The following PRKN variants were observed in gnomAD, a reference collection of about 807,000 sequenced individuals.
PRKN encodes the protein parkin RBR E3 ubiquitin protein ligase.
A neutral mutation model predicts 59.5 loss-of-function variants in PRKN; 56 were observed. The ratio of observed to expected loss-of-function variants is 0.94; its 90% CI spans 0.76 to 1.18. PRKN has a LOEUF of 1.18. Ranked by LOEUF, PRKN falls within the 50% of genes most tolerant of loss-of-function variation. The probability of loss-of-function intolerance (pLI) is 0.00; values close to 1 mark genes in which losing one functional copy is unlikely to be tolerated. For synonymous variants in PRKN, 250 were observed against 222.1 expected, an observed-to-expected ratio of 1.13 and a Z score of -1.12; for missense variants, 657 against 596.4, an observed-to-expected ratio of 1.10 and a Z score of -1.06.
intron 1 of PRKN, among the ~76,000 whole-genome samples, chr6:162,706,834 A>T (rs1384226236): frequency 6.6e-6 from 1 of 152,216 alleles, no homozygotes; most frequent in African/African-American, 2.4e-5. Flanking sequence ...ATGACTAAAC[A>T]ATTCTTAAGA....
At chr6:162,577,536 G>T (rs1244223116) in intron 1 of PRKN, among the ~76,000 whole-genome samples, 1 of 151,808 alleles carries the variant, frequency 6.6e-6, no homozygotes, top group Admixed American at 6.6e-5. Flanking sequence ...GGAGGCGGGG[G>T]GTGCAGTAAG....
rs1206025908 is a variant in PRKN, at chr6:161,457,242, T to C, written c.1084-70365A>G. Among the ~76,000 whole-genome samples, 1 of 152,192 alleles carries C rather than the reference T, an allele frequency of 6.6e-6. No individual in the cohort carries two copies. The highest frequency in any genetic ancestry group is 1.9e-4 in the East Asian group (1 of 5,188). ...CATTCCATTACTTTTCCTACACATGTGTCTCTGTTAAGCACTTTGCAAGGA... is the reference window on the plus strand; with the variant it reads ...CATTCCATTACTTTTCCTACACATGCGTCTCTGTTAAGCACTTTGCAAGGA... On this transcript the variant is annotated intron_variant, in intron 9 of 11. Transcript: ENST00000366898. The surrounding 1 kb of genome is among the most constrained non-coding windows in gnomAD (Gnocchi z 5.0).
chr6:161,934,479 C>T (rs1779282828), intron 6 of PRKN, among the ~76,000 whole-genome samples: 1 of 152,132 alleles, frequency 6.6e-6, no homozygotes, highest in Admixed American at 6.6e-5. Flanking sequence ...ACTGATTAGG[C>T]CTTGACCCAC....
chr6:162,321,511 C>T (rs1783022457), intron 2 of PRKN, among the ~76,000 whole-genome samples: 1 of 151,872 alleles, frequency 6.6e-6, no homozygotes, highest in Non-Finnish European at 1.5e-5. Flanking sequence ...CAAGGCAATA[C>T]TTCCAATTTA....
At chr6:162,443,626 T>C (rs944046612) in intron 1 of PRKN, 153 bp from the exon 2 acceptor site, 18 of 743,890 alleles carry the variant, frequency 2.4e-5, no homozygotes, top group Non-Finnish European at 3.5e-5. Flanking sequence ...CTTAATGCTA[T>C]AGAGCAATAT....
At chr6:162,512,469 C>T (rs1028096338) in intron 1 of PRKN, among the ~76,000 whole-genome samples, 1 of 152,176 alleles carries the variant, frequency 6.6e-6, no homozygotes, top group African/African-American at 2.4e-5. Flanking sequence ...GAAATAACAA[C>T]AAGGGAGAAT....
At chr6:162,166,441 C>T (rs1782993432) in intron 4 of PRKN, among the ~76,000 whole-genome samples, 1 of 152,086 alleles carries the variant, frequency 6.6e-6, no homozygotes, top group African/African-American at 2.4e-5. Flanking sequence ...GGTGATAATG[C>T]TCTGCAGCCT....
chr6:161,387,642 A>T (rs1354595087), intron 9 of PRKN, among the ~76,000 whole-genome samples: 2 of 152,262 alleles, frequency 1.3e-5, no homozygotes, highest in African/African-American at 4.8e-5. Flanking sequence ...ATTTGTTTGC[A>T]TTCACAGAAG....
chr6:162,339,152 G>GA (rs1023417131), intron 2 of PRKN, among the ~76,000 whole-genome samples: 1 of 149,034 alleles, frequency 6.7e-6, no homozygotes, highest in Non-Finnish European at 1.5e-5. Context: ...CCCCGTCTGA[G>GA]AAGTGAGGAG....
intron 6 of PRKN, among the ~76,000 whole-genome samples, chr6:161,965,079 A>T (rs866497967): frequency 1.1e-4 from 17 of 152,214 alleles, no homozygotes; most frequent in Middle Eastern, 6.8e-3. Context: ...ACCAAAATCC[A>T]GTCAAATTAT....
chr6:161,863,249 T>A (rs1335540926), intron 6 of PRKN, among the ~76,000 whole-genome samples: 1 of 152,118 alleles, frequency 6.6e-6, no homozygotes, highest in Non-Finnish European at 1.5e-5. Flanking sequence ...AATGCCACTT[T>A]GACACAGACC....
At chr6:161,823,125 TG>T (rs1792103536) in intron 6 of PRKN, among the ~76,000 whole-genome samples, 1 of 149,770 alleles carries the variant, frequency 6.7e-6, no homozygotes, top group Non-Finnish European at 1.5e-5. Context: ...TTTTTAGAGA[TG>T]GGGTCTTTCT....
At chr6:162,295,289 A>C (rs866715344) in intron 2 of PRKN, among the ~76,000 whole-genome samples, 1 of 152,192 alleles carries the variant, frequency 6.6e-6, no homozygotes, top group Non-Finnish European at 1.5e-5. Flanking sequence ...CAAAATAATG[A>C]ATCAGTTCAG....
At chr6:162,591,916 GA>G (rs916740758) in intron 1 of PRKN, among the ~76,000 whole-genome samples, 2 of 149,556 alleles carry the variant, frequency 1.3e-5, no homozygotes, top group Admixed American at 6.7e-5. Context: ...GGCATGTTAG[GA>G]AAAAGAAGAG....
intron 5 of PRKN, among the ~76,000 whole-genome samples, chr6:162,023,329 G>C (rs1366052828): frequency 6.6e-6 from 1 of 152,126 alleles, no homozygotes; most frequent in Non-Finnish European, 1.5e-5. Flanking sequence ...CCAGTTTCTT[G>C]CCTTGGTGTA....
At chr6:162,308,976 TA>T (rs1320287145) in intron 2 of PRKN, among the ~76,000 whole-genome samples, 1 of 151,892 alleles carries the variant, frequency 6.6e-6, no homozygotes, top group African/African-American at 2.4e-5. Context: ...GAAATAAACA[TA>T]AAAAAATGGA....
intron 7 of PRKN, among the ~76,000 whole-genome samples, chr6:161,687,455 A>T (rs575679611): frequency 2.8e-3 from 402 of 146,132 alleles, no homozygotes; most frequent in Non-Finnish European, 4.4e-3. Flanking sequence ...CTTTTTTTTT[A>T]AATTAAAAAA....
chr6:162,122,857 G>A (rs1780972677), intron 4 of PRKN, among the ~76,000 whole-genome samples: 1 of 152,040 alleles, frequency 6.6e-6, no homozygotes, highest in South Asian at 2.1e-4. Flanking sequence ...AGAATCAACT[G>A]GATGATGTGG....
intron 2 of PRKN, among the ~76,000 whole-genome samples, chr6:162,334,866 T>A (rs1783761163): frequency 6.6e-6 from 1 of 152,180 alleles, no homozygotes; most frequent in Admixed American, 6.5e-5. Context: ...GGATTCCATC[T>A]TTCAATGACT....
Sources: allele counts gnomAD v4.1 joint callset (sites outside exome capture counted in the v4.1 genomes callset), GRCh38; gene constraint gnomAD v4.1.1; non-coding constraint Gnocchi (gnomAD v3.1); transcripts MANE v1.5; gene names NCBI Gene and HGNC (gene_info 2026-07-23, HGNC 2026-07-21).